SMOC1: variants seen among roughly 807,000 people sequenced by gnomAD.
SMOC1 encodes the protein SPARC-related modular calcium-binding protein 1.
In SMOC1, 22 loss-of-function variants were observed where a neutral mutation model predicts 56.3. That is an observed-to-expected ratio of 0.39 (90% CI 0.28 to 0.56). The LOEUF is 0.56. SMOC1 is among the 20% of genes least tolerant of loss of function. The probability of loss-of-function intolerance (pLI) is 0.61; values close to 1 mark genes in which losing one functional copy is unlikely to be tolerated. For synonymous variants in SMOC1, 193 were observed against 215.0 expected (o/e 0.90, Z 0.89); for missense variants, 509 against 565.4 (o/e 0.90, Z 1.01).
intron 5 of SMOC1, among the ~76,000 whole-genome samples, chr14:69,990,461 C>T (rs147170153): frequency 4.1e-4 from 63 of 152,316 alleles, no homozygotes; most frequent in African/African-American, 1.5e-3. Context: ...AAAATGAAGC[C>T]ACCCTGTGTG....
chr14:69,916,127 A>G (rs181685312), intron 1 of SMOC1, among the ~76,000 whole-genome samples: 1 of 152,090 alleles, frequency 6.6e-6, no homozygotes, highest in South Asian at 2.1e-4. Context: ...TTCCCTACCA[A>G]CCTTACCAAA....
At chr14:69,880,887 G>A (rs1311091984) in intron 1 of SMOC1, among the ~76,000 whole-genome samples, 1 of 152,222 alleles carries the variant, frequency 6.6e-6, no homozygotes, top group Admixed American at 6.5e-5. Flanking sequence ...CATCTTTATA[G>A]CTGTCGTGTG....
intron 10 of SMOC1, among the ~76,000 whole-genome samples, chr14:70,021,504 A>G (rs1167747998): frequency 6.6e-6 from 1 of 152,154 alleles, no homozygotes; most frequent in East Asian, 1.9e-4. Flanking sequence ...AGATTTCCTA[A>G]AAGTTAGAGG....
intron 1 of SMOC1, among the ~76,000 whole-genome samples, chr14:69,916,338 C>A (rs1332122516): frequency 6.6e-6 from 1 of 152,240 alleles, no homozygotes; most frequent in Non-Finnish European, 1.5e-5. Context: ...CTGGTCCAAG[C>A]CGTTAGGCTC....
chr14:69,879,720 G>T lies in SMOC1; in HGVS notation c.42G>T (p.Leu14Phe). 6.3e-7 allele frequency: 1 copy of T among 1,589,962 alleles called. No individual in the cohort carries two copies. Among genetic ancestry groups the T allele is most frequent in the Non-Finnish European group, 8.5e-7 (1 of 1,175,612 alleles). ...ARCARLLTPH[L>F]LLVLVQLSPA... ...GCGCCCGCCTGCTCACGCCCCACTT[G>T]CTGCTGGTGTTGGTGCAGCTGTCCC... The change falls in exon 1 of 12, where the codon TTG (leucine) becomes TTT (phenylalanine). Residue 14 changes from leucine (L) to phenylalanine (F), a missense_variant. Physicochemically the swap from Leu to Phe is conservative, Grantham distance 22. Around this residue, in one of 3 missense-constraint regions of SMOC1, gnomAD observed 315 missense variants for 333.1 expected, o/e 0.95. Transcript: ENST00000361956.
intron 1 of SMOC1, among the ~76,000 whole-genome samples, chr14:69,944,716 A>G (rs1711687820): frequency 6.6e-6 from 1 of 152,176 alleles, no homozygotes; most frequent in Non-Finnish European, 1.5e-5. Flanking sequence ...TTTCAGGCTC[A>G]TCAATCTAGA....
intron 3 of SMOC1, among the ~76,000 whole-genome samples, chr14:69,967,079 T>C (rs893244254): frequency 5.3e-5 from 8 of 152,204 alleles, no homozygotes; most frequent in Admixed American, 2.0e-4. Context: ...AGGCCATCTC[T>C]TGTTCTAAAC....
intron 5 of SMOC1, among the ~76,000 whole-genome samples, chr14:69,985,487 G>GA (rs149464761): frequency 0.16 from 23,921 of 151,996 alleles, 2,124 homozygotes; most frequent in African/African-American, 0.22. Flanking sequence ...GCTGAAAGTA[G>GA]AAAAAAAACC....
intron 1 of SMOC1, among the ~76,000 whole-genome samples, chr14:69,917,418 G>A (rs947667641): frequency 6.6e-6 from 1 of 152,298 alleles, no homozygotes; most frequent in African/African-American, 2.4e-5. Context: ...AGAATTTCAC[G>A]TGGACAGACA....
Position 69,975,811 on chromosome 14 carries a change from T to C in SMOC1, c.475T>C (p.Ser159Pro). ...SSVQNKTPVCSGSVTDKPLSQ... is the reference protein window; with the variant it reads ...SSVQNKTPVCPGSVTDKPLSQ... ...TGTGCAGAATAAAACTCCTGTATGTTCAGGTACCGTAGGGAGGGGCGGGAA... is the reference window on the plus strand; with the variant it reads ...TGTGCAGAATAAAACTCCTGTATGTCCAGGTACCGTAGGGAGGGGCGGGAA... The change falls in exon 4 of 12, where the codon TCA (serine) becomes CCA (proline). Residue 159 changes from serine to proline, a missense_variant. Ser to Pro is a moderately conservative substitution (Grantham distance 74). Coordinates refer to ENST00000361956, the MANE Select transcript of SMOC1 (RefSeq NM_001034852.3). The C allele has an allele frequency of 6.2e-7, 1 of 1,609,212 alleles. No homozygotes were observed. The highest frequency in any genetic ancestry group is 8.5e-7 in the Non-Finnish European group (1 of 1,177,164).
rs565358157 is a variant in SMOC1 at position 69,984,947 on chromosome 14, CAGA to C, written c.526+6987_526+6989del. Among the ~76,000 whole-genome samples the C allele has an allele frequency of 1.7e-3, 263 of 151,708 alleles. 1 individual carries two copies. The highest frequency in any genetic ancestry group is 3.4e-3 in the Middle Eastern group (1 of 294). On this transcript the variant is annotated intron_variant, in intron 5 of 11. Coordinates refer to ENST00000361956, the MANE Select transcript of SMOC1 (RefSeq NM_001034852.3). The stretch of plus-strand genomic sequence containing the variant: ...ATCCCAGCTACTCGGAAGGCTGAGG[CAGA>C]AGAATTACTTGAACCCAGGAGGTGG...
intron 1 of SMOC1, among the ~76,000 whole-genome samples, chr14:69,944,372 G>T (rs1882703189): frequency 1.3e-5 from 2 of 152,162 alleles, no homozygotes; most frequent in South Asian, 2.1e-4. Context: ...CAGTCCAGAG[G>T]TAGGAAGGAG....
At chr14:69,957,094 G>A (rs1020458851) in intron 3 of SMOC1, among the ~76,000 whole-genome samples, 2 of 152,164 alleles carry the variant, frequency 1.3e-5, no homozygotes, top group East Asian at 1.9e-4. Context: ...TCTGTTTTCT[G>A]TTCTGGGTAT....
chr14:69,902,788 C>T (rs1275948214), intron 1 of SMOC1, among the ~76,000 whole-genome samples: 5 of 152,164 alleles, frequency 3.3e-5, no homozygotes, highest in East Asian at 1.9e-4. Flanking sequence ...GACTGGTTTT[C>T]GTATTTTTTT....
chr14:69,909,032 G>T (rs990609023), intron 1 of SMOC1, among the ~76,000 whole-genome samples: 1 of 151,930 alleles, frequency 6.6e-6, no homozygotes, highest in Admixed American at 6.6e-5. Context: ...GGATTGGCTC[G>T]TTCACTGTAG....
chr14:69,885,666 G>A, intron 1 of SMOC1: 1 of 1,450,262 alleles, frequency 6.9e-7, no homozygotes, highest in East Asian at 2.3e-5. Flanking sequence ...TCCATGTCGT[G>A]TGAAATCACC....
intron 5 of SMOC1, among the ~76,000 whole-genome samples, chr14:69,990,598 G>A (rs1306775251): frequency 6.6e-6 from 1 of 152,178 alleles, no homozygotes; most frequent in Non-Finnish European, 1.5e-5. Context: ...ATGGAAAGAG[G>A]TGTTAATAGA....
chr14:69,991,445 A>G (rs1467139180), intron 5 of SMOC1, among the ~76,000 whole-genome samples: 1 of 152,218 alleles, frequency 6.6e-6, no homozygotes, highest in East Asian at 1.9e-4. Flanking sequence ...GATGATTAGG[A>G]AAAAATTACC....
rs752855137 is a variant in SMOC1, at chr14:70,011,592, G to A, written c.940+25G>A. On this transcript the variant is annotated intron_variant, in intron 9 of 11. Transcript: ENST00000361956. ...GGTGGGAGACGATGCTGCCCTGCCG[G>A]CGCCATCACCTCCTTCTGTTCCTCC... 6.9e-6 allele frequency: 11 copies of A among 1,605,638 alleles called. 1 individual carries two copies. Among genetic ancestry groups the A allele is most frequent in the Middle Eastern group, 1.7e-4 (1 of 6,046 alleles).
Sources: allele counts gnomAD v4.1 joint callset (sites outside exome capture counted in the v4.1 genomes callset), GRCh38; gene constraint gnomAD v4.1.1; regional missense constraint gnomAD v4.1.1; transcripts MANE v1.5; gene names NCBI Gene and HGNC (gene_info 2026-07-23, HGNC 2026-07-21).